The following NFKB1 variants were observed in gnomAD, a reference collection of about 807,000 sequenced individuals.
NFKB1 encodes nuclear factor NF-kappa-B p105 subunit.
A neutral mutation model predicts 105.1 loss-of-function variants in NFKB1; 9 were observed. The ratio of observed to expected loss-of-function variants is 0.09; its 90% CI spans 0.05 to 0.15. The LOEUF (loss-of-function observed/expected upper bound fraction) is 0.15. NFKB1 is among the 10% of genes least tolerant of loss of function. NFKB1 has a pLI of 1.00. For synonymous variants in NFKB1, 440 were observed against 442.2 expected (o/e 1.00, Z 0.06); for missense variants, 830 against 1,203.7 (o/e 0.69, Z 4.59).
At chr4:102,610,354 G>A (rs995864330) in intron 19 of NFKB1, among the ~76,000 whole-genome samples, 11 of 152,120 alleles carry the variant, frequency 7.2e-5, no homozygotes, top group African/African-American at 2.7e-4. Flanking sequence ...AGTATCTTTG[G>A]CTATTTCAGG....
At chr4:102,515,112 T>TA (rs1740062281) in intron 1 of NFKB1, among the ~76,000 whole-genome samples, 6 of 129,444 alleles carry the variant, frequency 4.6e-5, no homozygotes, top group African/African-American at 1.4e-4. Flanking sequence ...TTATTATTTT[T>TA]TTTTTTTTTT....
chr4:102,514,434 T>C (rs1739991371), intron 1 of NFKB1, among the ~76,000 whole-genome samples: 1 of 152,168 alleles, frequency 6.6e-6, no homozygotes, highest in East Asian at 1.9e-4. Flanking sequence ...GAAATTTGTC[T>C]CCTCTTGCCT....
At position 102,616,532 on chromosome 4, in the gene NFKB1, C is replaced by T. The variant is rs1480327529; in HGVS notation, c.2848C>T (p.Leu950=). Residue 950 remains leucine (L), a synonymous_variant, in exon 24 of 24, where the codon CTA becomes TTA. Transcript: ENST00000226574. ...TESLTSGASL[L]TLNKMPHDYG... ...GTCTCTGACCAGTGGTGCCTCACTG[C>T]TAACTCTCAACAAAATGCCCCATGA... is the stretch of plus-strand genomic sequence containing the variant. The T allele has an allele frequency of 1.9e-6, 3 of 1,614,092 alleles. No individual in the cohort carries two copies. The highest frequency in any genetic ancestry group is 1.7e-6 in the Non-Finnish European group (2 of 1,180,006).
At chr4:102,613,686 G>A (rs896804141) in intron 23 of NFKB1, 105 bp downstream of exon 23, 2 of 1,310,730 alleles carry the variant, frequency 1.5e-6, no homozygotes, top group Non-Finnish European at 2.1e-6. Context: ...CTCGTTTTCT[G>A]GATACACTTC....
intron 6 of NFKB1, among the ~76,000 whole-genome samples, chr4:102,571,659 A>C (rs1198260080): frequency 6.6e-6 from 1 of 152,260 alleles, no homozygotes; most frequent in East Asian, 1.9e-4. Flanking sequence ...CAACCCCATC[A>C]AAAAGTGGGC....
chr4:102,613,144 T>C (rs1728582845), intron 22 of NFKB1, among the ~76,000 whole-genome samples: 1 of 152,230 alleles, frequency 6.6e-6, no homozygotes, highest in South Asian at 2.1e-4. Context: ...TAGACGTCAC[T>C]GTAGGCAGAG....
intron 6 of NFKB1, among the ~76,000 whole-genome samples, chr4:102,575,667 G>T (rs149295001): frequency 4.3e-4 from 66 of 152,100 alleles, no homozygotes; most frequent in African/African-American, 1.6e-3. Context: ...CTTCCCCATC[G>T]CTTCCTTCAA....
Position 102,540,592 on chromosome 4 carries a change from AGAG to A in NFKB1, c.258+2645_258+2647del, listed in dbSNP as rs1306728798. On this transcript the variant is annotated intron_variant, in intron 5 of 23. Transcript: ENST00000226574. ...TTTATAAGCATTTAATCAACTTGTA[AGAG>A]GAGGAGGAACTTAGAGGTTAGAGAA... Among the ~76,000 whole-genome samples the A allele has an allele frequency of 3.3e-5, 5 of 152,306 alleles. No individual in the cohort carries two copies. The East Asian group carries it at 9.6e-4, about 29-fold the overall frequency.
chr4:102,550,316 A>G (rs2149142295), intron 5 of NFKB1, among the ~76,000 whole-genome samples: 1 of 152,198 alleles, frequency 6.6e-6, no homozygotes, highest in Admixed American at 6.6e-5. Context: ...TCACTACCCC[A>G]GTCCAGGCAT....
chr4:102,599,928 C>T (rs1366374764), intron 15 of NFKB1, among the ~76,000 whole-genome samples: 1 of 152,126 alleles, frequency 6.6e-6, no homozygotes, highest in African/African-American at 2.4e-5. Flanking sequence ...AATTACGCTC[C>T]TGTGAGTGAC....
chr4:102,552,937 T>C (rs1349087988), intron 5 of NFKB1, among the ~76,000 whole-genome samples: 5 of 152,306 alleles, frequency 3.3e-5, no homozygotes, highest in Middle Eastern at 3.4e-3. Flanking sequence ...GATTGTGTTC[T>C]CTTTTGCCCT....
chr4:102,563,441 T>TACTTAAAAA (rs1723599675), intron 5 of NFKB1, among the ~76,000 whole-genome samples: 1 of 152,008 alleles, frequency 6.6e-6, no homozygotes, highest in Non-Finnish European at 1.5e-5. Flanking sequence ...TTTTAGATAG[T>TACTTAAAAA]ACTTAAAAAA....
chr4:102,610,810 A>T, intron 20 of NFKB1, 111 bp downstream of exon 20: 5 of 1,309,730 alleles, frequency 3.8e-6, no homozygotes, highest in Non-Finnish European at 4.1e-6. Flanking sequence ...CATGCCTTTT[A>T]TTTTTAAGAA....
chr4:102,588,854 A>G (rs1725940886), intron 11 of NFKB1, among the ~76,000 whole-genome samples: 3 of 152,282 alleles, frequency 2.0e-5, no homozygotes, highest in Middle Eastern at 3.4e-3. Context: ...AACCCCTCCT[A>G]GCTTCAGTTT....
intron 1 of NFKB1, among the ~76,000 whole-genome samples, chr4:102,516,234 G>T (rs1321218196): frequency 4.0e-5 from 6 of 151,672 alleles, no homozygotes; most frequent in Non-Finnish European, 8.8e-5. Flanking sequence ...CCTAACCATG[G>T]TTTTATTTGT....
At chr4:102,509,810 G>A (rs1012948202) in intron 1 of NFKB1, among the ~76,000 whole-genome samples, 5 of 152,080 alleles carry the variant, frequency 3.3e-5, no homozygotes, top group Non-Finnish European at 7.4e-5. Context: ...TCCCTTCCTC[G>A]TTGAATTTCT....
chr4:102,544,817 A>G (rs1446726639), intron 5 of NFKB1, among the ~76,000 whole-genome samples: 2 of 152,148 alleles, frequency 1.3e-5, no homozygotes, highest in Non-Finnish European at 2.9e-5. Context: ...AATTATTAGG[A>G]GAGATATACA....
intron 4 of NFKB1, among the ~76,000 whole-genome samples, chr4:102,537,369 G>A (rs574731653): frequency 6.4e-4 from 97 of 152,218 alleles, no homozygotes; most frequent in African/African-American, 2.1e-3. Flanking sequence ...GTTCTACAAC[G>A]CTGAAACAGT....
At chr4:102,586,197 A>G (rs1232465746) in intron 11 of NFKB1, among the ~76,000 whole-genome samples, 1 of 152,108 alleles carries the variant, frequency 6.6e-6, no homozygotes, top group Non-Finnish European at 1.5e-5. Context: ...CTTAAGAGAG[A>G]GTGCAGTGAT....
Sources: allele counts gnomAD v4.1 joint callset (sites outside exome capture counted in the v4.1 genomes callset), GRCh38; gene constraint gnomAD v4.1.1; transcripts MANE v1.5; gene names NCBI Gene and HGNC (gene_info 2026-07-23, HGNC 2026-07-21).